The following ARL15 variants were observed in gnomAD, a reference collection of about 807,000 sequenced individuals.
ARL15 encodes ARF like GTPase 15.
Under a neutral mutation model 25.2 loss-of-function variants are expected in ARL15, and 19 were observed. That is an observed-to-expected ratio of 0.75 (90% CI 0.53 to 1.10). ARL15 has a LOEUF of 1.10. Among genes scored for constraint, ARL15 ranks in the 50% least tolerant of loss-of-function variants. The pLI is 0.00. For synonymous variants in ARL15, 94 were observed against 86.8 expected (o/e 1.08, Z -0.46); for missense variants, 220 against 246.0 (o/e 0.89, Z 0.71).
intron 4 of ARL15, among the ~76,000 whole-genome samples, chr5:54,069,179 A>G (rs1359414736): frequency 6.6e-6 from 1 of 152,208 alleles, no homozygotes; most frequent in African/African-American, 2.4e-5. Flanking sequence ...ACAAATATGG[A>G]TGATGAGGGT....
chr5:54,088,303 G>T (rs1414817718), intron 4 of ARL15, among the ~76,000 whole-genome samples: 3 of 152,144 alleles, frequency 2.0e-5, no homozygotes, highest in Non-Finnish European at 4.4e-5. Flanking sequence ...AGGTCATATG[G>T]GGTTGTCAAA....
At chr5:54,204,529 A>G (rs1421996273) in intron 1 of ARL15, among the ~76,000 whole-genome samples, 2 of 152,208 alleles carry the variant, frequency 1.3e-5, no homozygotes, top group Non-Finnish European at 2.9e-5. Flanking sequence ...CCCCTTGGCA[A>G]TTACATTAAC....
At chr5:53,908,310 CAACT>C (rs1745337022) in intron 4 of ARL15, among the ~76,000 whole-genome samples, 1 of 151,990 alleles carries the variant, frequency 6.6e-6, no homozygotes. Context: ...TGGATTCAAC[CAACT>C]GTGGATTGAA....
chr5:54,266,459 T>A (rs1757629294), intron 1 of ARL15, among the ~76,000 whole-genome samples: 1 of 152,144 alleles, frequency 6.6e-6, no homozygotes, highest in East Asian at 1.9e-4. Context: ...TCTTCCTGAG[T>A]ATGGGTATGT....
intron 3 of ARL15, among the ~76,000 whole-genome samples, chr5:54,121,789 A>C (rs1432795003): frequency 6.6e-6 from 1 of 152,188 alleles, no homozygotes; most frequent in Non-Finnish European, 1.5e-5. Flanking sequence ...AATTGTTCCA[A>C]GCCTCAGTTT....
chr5:53,986,445 T>C (rs1314485596), intron 4 of ARL15, among the ~76,000 whole-genome samples: 2 of 152,262 alleles, frequency 1.3e-5, no homozygotes, highest in African/African-American at 4.8e-5. Flanking sequence ...ATGCCTCTAA[T>C]TTTAATGTGA....
chr5:54,122,786 G>T (rs1254469694), intron 3 of ARL15, among the ~76,000 whole-genome samples: 2 of 152,114 alleles, frequency 1.3e-5, no homozygotes, highest in Non-Finnish European at 2.9e-5. Flanking sequence ...AATAATTCTT[G>T]TAACTGTTTA....
At chr5:54,307,876 A>C (rs1194025788) in intron 1 of ARL15, 1 of 152,214 alleles carries the variant, frequency 6.6e-6, no homozygotes, top group East Asian at 1.9e-4. Flanking sequence ...AGTGCATGGA[A>C]AGGGAACTTA....
intron 4 of ARL15, among the ~76,000 whole-genome samples, chr5:54,006,040 A>T (rs1749027253): frequency 7.0e-6 from 1 of 143,830 alleles, no homozygotes; most frequent in African/African-American, 2.6e-5. Context: ...ACAAGAGTGA[A>T]ATTACATCTC....
chr5:54,048,752 C>G (rs1750610985), intron 4 of ARL15, among the ~76,000 whole-genome samples: 1 of 151,288 alleles, frequency 6.6e-6, no homozygotes, highest in African/African-American at 2.4e-5. Flanking sequence ...TCAGCCTTCC[C>G]CAAAGGAACC....
At chr5:54,223,031 C>T (rs1756421559) in intron 1 of ARL15, among the ~76,000 whole-genome samples, 2 of 146,894 alleles carry the variant, frequency 1.4e-5, no homozygotes, top group Admixed American at 6.9e-5. Flanking sequence ...ACCATATTGG[C>T]CAGGCTAGTC....
intron 4 of ARL15, among the ~76,000 whole-genome samples, chr5:53,898,541 G>A (rs1216199208): frequency 6.6e-6 from 1 of 152,052 alleles, no homozygotes; most frequent in Non-Finnish European, 1.5e-5. Context: ...ACCCTTCTAG[G>A]AATTTGTACA....
chr5:53,931,810 C>T (rs1343641126), intron 4 of ARL15, among the ~76,000 whole-genome samples: 3 of 152,162 alleles, frequency 2.0e-5, no homozygotes, highest in African/African-American at 4.8e-5. Flanking sequence ...TGTCTTAACT[C>T]CAGTAAGTAG....
intron 1 of ARL15, among the ~76,000 whole-genome samples, chr5:54,301,882 C>A (rs538901863): frequency 1.3e-5 from 2 of 152,348 alleles, no homozygotes; most frequent in African/African-American, 4.8e-5. Context: ...TAAAACAGTT[C>A]CCAGCAAATC....
chr5:54,216,439 A>G (rs1756208624), intron 1 of ARL15, among the ~76,000 whole-genome samples: 1 of 152,208 alleles, frequency 6.6e-6, no homozygotes, highest in Admixed American at 6.5e-5. Context: ...ATCTGATGGA[A>G]GAACATAACT....
intron 3 of ARL15, among the ~76,000 whole-genome samples, chr5:54,120,899 C>T (rs947308673): frequency 6.6e-6 from 1 of 152,202 alleles, no homozygotes; most frequent in Non-Finnish European, 1.5e-5. Context: ...AATGCTACTG[C>T]TTTCTAGCAC....
At chr5:54,237,541 A>G (rs548573437) in intron 1 of ARL15, among the ~76,000 whole-genome samples, 6 of 151,566 alleles carry the variant, frequency 4.0e-5, no homozygotes, top group African/African-American at 9.8e-5. Flanking sequence ...AAGTACATAC[A>G]GGGAATAACA....
At chr5:54,024,438 T>C (rs1045645956) in intron 4 of ARL15, among the ~76,000 whole-genome samples, 24 of 152,226 alleles carry the variant, frequency 1.6e-4, no homozygotes, top group African/African-American at 5.3e-4. Context: ...ATCCATACTT[T>C]TTAATACTTT....
intron 4 of ARL15, among the ~76,000 whole-genome samples, chr5:53,946,178 G>A (rs530760822): frequency 2.0e-5 from 3 of 152,266 alleles, no homozygotes; most frequent in Admixed American, 6.5e-5. Context: ...AATAGGCTGC[G>A]CACCATCGCT....
Sources: gnomAD v4.1 joint callset for allele counts (sites outside exome capture counted in the v4.1 genomes callset) on GRCh38, gnomAD v4.1.1 for gene constraint, MANE v1.5 for transcripts, NCBI Gene and HGNC (gene_info 2026-07-23, HGNC 2026-07-21) for gene names.